MYO18B: variants seen among roughly 807,000 people sequenced by gnomAD.
MYO18B encodes the protein unconventional myosin-XVIIIb.
In MYO18B, 204 loss-of-function variants were observed where a neutral mutation model predicts 273.0. The ratio of observed to expected loss-of-function variants is 0.75; its 90% CI spans 0.67 to 0.84. The LOEUF is 0.84. MYO18B is among the 40% of genes least tolerant of loss of function. The probability of loss-of-function intolerance (pLI) is 0.00; values close to 1 mark genes in which losing one functional copy is unlikely to be tolerated. For synonymous variants in MYO18B, 1,330 were observed against 1,305.7 expected (o/e 1.02, Z -0.40); for missense variants, 3,212 against 3,287.6 (o/e 0.98, Z 0.56).
At chr22:25,816,188 G>A (rs2088995496) in intron 12 of MYO18B, among the ~76,000 whole-genome samples, 1 of 152,168 alleles carries the variant, frequency 6.6e-6, no homozygotes, top group African/African-American at 2.4e-5. Flanking sequence ...TGGGCAGAAA[G>A]CCACAGCTGC....
chr22:25,772,519 G>A lies in MYO18B; in HGVS notation c.1869+9G>A. On this transcript the variant is annotated intron_variant, in intron 7 of 43. Transcript: ENST00000335473. ...TGCCTTCTGCAGGGAAGGTGAGGTGGGACCATTGTGGGCAGGGCTGAGGGG... is the reference window on the plus strand; with the variant it reads ...TGCCTTCTGCAGGGAAGGTGAGGTGAGACCATTGTGGGCAGGGCTGAGGGG... 6.2e-7 allele frequency: 1 copy of A among 1,612,202 alleles called. No individual in the cohort carries two copies. Among genetic ancestry groups the A allele is most frequent in the Non-Finnish European group, 8.5e-7 (1 of 1,179,268 alleles).
chr22:25,792,726 C>T lies in MYO18B; in HGVS notation c.2377-5227C>T, dbSNP rs561247110. On this transcript the variant is annotated intron_variant, in intron 11 of 43. Coordinates refer to ENST00000335473, the MANE Select transcript of MYO18B (RefSeq NM_032608.7). ...GCCAGGATGGTTTCAATCTCGACCT[C>T]GTGATCTCTCTGCCTCGGCCTCCCA... 4.4e-4 allele frequency among the ~76,000 whole-genome samples: 67 copies of T among 152,184 alleles called. 1 individual carries two copies. In the South Asian group the frequency reaches 0.014, roughly 31 times the overall value.
intron 42 of MYO18B, among the ~76,000 whole-genome samples, chr22:26,007,573 C>T (rs995525501): frequency 6.6e-6 from 1 of 152,210 alleles, no homozygotes; most frequent in Non-Finnish European, 1.5e-5. Context: ...CAAAGTGCTA[C>T]TGAGCACCAG....
intron 3 of MYO18B, among the ~76,000 whole-genome samples, chr22:25,763,733 T>C (rs1459714342): frequency 6.6e-6 from 1 of 152,248 alleles, no homozygotes; most frequent in African/African-American, 2.4e-5. Context: ...CATTCAATTC[T>C]GTATCTTAAG....
At chr22:26,047,125 ATT>A in the MYO18B span, among the ~76,000 whole-genome samples, 6,800 of 134,722 alleles carry the variant, frequency 0.05, 201 homozygotes, top group Admixed American at 0.089. Context: ...TAGTTGGCCC[ATT>A]TTTTTTTTTT....
At chr22:25,839,896 G>T (rs1194940935) in intron 17 of MYO18B, among the ~76,000 whole-genome samples, 2 of 152,202 alleles carry the variant, frequency 1.3e-5, no homozygotes, top group Admixed American at 6.5e-5. Context: ...CTGTAGGATG[G>T]CAGTCCTGGT....
intron 11 of MYO18B, among the ~76,000 whole-genome samples, chr22:25,792,752 A>G (rs1319266136): frequency 1.3e-5 from 2 of 151,924 alleles, no homozygotes; most frequent in African/African-American, 4.8e-5. Context: ...CGGCCTCCCA[A>G]AGTGCTGGGA....
At chr22:25,802,412 G>A (rs915791058) in intron 12 of MYO18B, among the ~76,000 whole-genome samples, 1 of 152,022 alleles carries the variant, frequency 6.6e-6, no homozygotes, top group Non-Finnish European at 1.5e-5. Context: ...CAAATTATTG[G>A]CAATTAACTC....
At chr22:25,805,954 C>T (rs1419736230) in intron 12 of MYO18B, among the ~76,000 whole-genome samples, 2 of 152,156 alleles carry the variant, frequency 1.3e-5, no homozygotes, top group South Asian at 2.1e-4. Flanking sequence ...TCCCTGGCCA[C>T]CTTTATTTAT....
intron 39 of MYO18B, among the ~76,000 whole-genome samples, chr22:25,981,947 C>T (rs771264207): frequency 2.0e-5 from 3 of 152,112 alleles, no homozygotes; most frequent in Non-Finnish European, 4.4e-5. Flanking sequence ...GTAATTGGCT[C>T]ATAGTTCTGA....
intron 39 of MYO18B, 24 bp downstream of exon 39, chr22:25,955,388 C>T (rs554278888): frequency 1.3e-6 from 2 of 1,588,172 alleles, no homozygotes; most frequent in African/African-American, 1.3e-5. Context: ...CCATCATGGG[C>T]TCTTAGCGAC....
At chr22:25,992,274 C>T (rs2093277970) in intron 39 of MYO18B, 89 bp from the exon 40 acceptor site, 2 of 1,533,648 alleles carry the variant, frequency 1.3e-6, no homozygotes, top group Non-Finnish European at 1.8e-6. Flanking sequence ...ACACTAGGCT[C>T]AGCCTGGGGC....
chr22:25,877,809 C>T, intron 24 of MYO18B, 150 bp from the exon 25 acceptor site: 1 of 601,800 alleles, frequency 1.7e-6, no homozygotes, highest in East Asian at 3.1e-5. Context: ...ATACAGTGCA[C>T]CATTATTTGT....
intron 30 of MYO18B, chr22:25,903,091 A>G: frequency 4.3e-6 from 1 of 232,882 alleles, no homozygotes; most frequent in East Asian, 1.1e-4. Context: ...TTACTAAAAT[A>G]CAACACGGGT....
Position 26,007,689 on chromosome 22 carries a change from C to T in MYO18B, c.6470+2834C>T, listed in dbSNP as rs187351128. Among the ~76,000 whole-genome samples, 402 of 152,210 alleles carry T rather than the reference C, an allele frequency of 2.6e-3. 8 individuals are homozygous for T. The highest frequency in any genetic ancestry group is 2.2e-3 in the Non-Finnish European group (149 of 68,012). ...GTTGCAAAGGACCACCGGGATTATC[C>T]AGCCCAACTTGCTCAGTTTATAGAT... On this transcript the variant is annotated intron_variant, in intron 42 of 43. Transcript: ENST00000335473.
chr22:25,933,456 C>G (rs2092536132), intron 34 of MYO18B, among the ~76,000 whole-genome samples: 1 of 151,658 alleles, frequency 6.6e-6, no homozygotes, highest in Non-Finnish European at 1.5e-5. Context: ...CCCTTCCACA[C>G]AGGCCTTTTG....
chr22:25,918,822 G>A (rs1255043086), intron 33 of MYO18B, among the ~76,000 whole-genome samples: 3 of 152,230 alleles, frequency 2.0e-5, no homozygotes, highest in African/African-American at 7.2e-5. Flanking sequence ...GCATACTCAT[G>A]AGTCTGGGTT....
At chr22:25,782,313 G>T (rs959156160) in intron 10 of MYO18B, among the ~76,000 whole-genome samples, 4 of 152,218 alleles carry the variant, frequency 2.6e-5, no homozygotes, top group African/African-American at 4.8e-5. Context: ...AGAGGGAGAG[G>T]GACAGCAGAC....
Position 25,851,558 on chromosome 22 carries a change from C to T in MYO18B, c.3864C>T (p.Ser1288=), listed in dbSNP as rs143229909. The T allele has an allele frequency of 6.4e-5, 100 of 1,558,056 alleles. No individual in the cohort carries two copies. Among genetic ancestry groups the T allele is most frequent in the East Asian group, 2.6e-4 (11 of 41,514 alleles). The change falls in exon 21 of 44, where the codon TCC becomes TCT. Residue 1288 remains serine, a synonymous_variant. Coordinates refer to ENST00000335473, the MANE Select transcript of MYO18B (RefSeq NM_032608.7). ...APLLKKLMST[S]EGIDERKAVE... is the part of the protein sequence containing the mutation. ...TCCTGAAGAAGCTCATGTCGACCTC[C>T]GAGGGAATAGATGAAAGGAAGGTAG...
Sources: gnomAD v4.1 joint callset for allele counts (sites outside exome capture counted in the v4.1 genomes callset) on GRCh38, gnomAD v4.1.1 for gene constraint, MANE v1.5 for transcripts, NCBI Gene and HGNC (gene_info 2026-07-23, HGNC 2026-07-21) for gene names.